The following ZKSCAN8 variants were observed in gnomAD, a reference collection of about 807,000 sequenced individuals.
The protein encoded by ZKSCAN8 is zinc finger with KRAB and SCAN domains 8.
ZKSCAN8 carries 27 observed loss-of-function variants against 57.2 expected under a neutral mutation model. The ratio of observed to expected loss-of-function variants is 0.47; its 90% CI spans 0.35 to 0.65. The LOEUF is 0.65. Among genes scored for constraint, ZKSCAN8 ranks in the 30% least tolerant of loss-of-function variants. The pLI, the probability that ZKSCAN8 is intolerant of heterozygous loss-of-function variation, is 0.01. For missense variants in ZKSCAN8, 597 were observed against 696.3 expected (o/e 0.86, Z 1.60); for synonymous variants, 214 against 248.7 (o/e 0.86, Z 1.31).
chr6:28,148,811 T>C lies in ZKSCAN8; in HGVS notation c.404T>C (p.Ile135Thr). The C allele has an allele frequency of 6.2e-7, 1 of 1,612,722 alleles. No individual in the cohort carries two copies. Among genetic ancestry groups the C allele is most frequent in the Non-Finnish European group, 8.5e-7 (1 of 1,179,106 alleles). The change falls in exon 2 of 6, where the codon ATA (isoleucine) becomes ACA (threonine). Residue 135 changes from isoleucine to threonine, a missense_variant. By Grantham distance (89) the Ile-to-Thr change is moderately conservative (BLOSUM62 -1). Coordinates refer to ENST00000330236, the MANE Select transcript of ZKSCAN8 (RefSeq NM_006298.4). Reference sequence around the variant, plus strand: ...GAGGATTTGGAAAGGCAGATTGATATACTAGGACGACCAGTAAGTAGAAGG... The same window carrying C: ...GAGGATTTGGAAAGGCAGATTGATACACTAGGACGACCAGTAAGTAGAAGG... ...LLEDLERQID[I>T]LGRPVSARVH...
chr6:28,146,338 C>T (rs554853214), intron 1 of ZKSCAN8, among the ~76,000 whole-genome samples: 16 of 152,170 alleles, frequency 1.1e-4, no homozygotes, highest in Non-Finnish European at 2.4e-4. Context: ...AAGCAATACA[C>T]ATTTAAGTAA....
In ZKSCAN8 at chr6:28,156,694, T is replaced by A. The variant is rs1056665424; in HGVS notation, c.*2677T>A. 2 of 152,556 alleles carry A rather than the reference T, an allele frequency of 1.3e-5. No individual in the cohort carries two copies. Among genetic ancestry groups the A allele is most frequent in the Admixed American group, 1.3e-4 (2 of 15,288 alleles). The allele number at this position is 152,556 out of a possible 1,614,324, so 9.5% of individuals were successfully genotyped here. A position where few individuals can be genotyped will look rare whatever the true frequency, so the allele number is the denominator to read the frequency against. On this transcript the variant is annotated 3_prime_UTR_variant, in exon 6 of 6. Transcript: ENST00000330236. ...GCATTCATTAAGCTCCTTTATCCTA[T>A]AGATTCTATCTTTATGTTCATCTGA...
In ZKSCAN8 at chr6:28,148,402, G is replaced by A; in HGVS notation, c.-6G>A. The A allele has an allele frequency of 7.5e-6, 12 of 1,604,798 alleles. No homozygotes were observed. The highest frequency in any genetic ancestry group is 1.0e-5 in the Non-Finnish European group (12 of 1,174,248). On this transcript the variant is annotated 5_prime_UTR_variant, in exon 2 of 6. Transcript: ENST00000330236. ...GAAACGAACTTCCTGAGCTTTTCAG[G>A]CTCTAATGGCTGAAGAATCAAGAAA...
rs745845523 is a variant in ZKSCAN8, at chr6:28,148,429, C to G, written c.22C>G (p.Pro8Ala). ...TCTAATGGCTGAAGAATCAAGAAAG[C>G]CTTCAGCCCCATCCCCACCAGACCA... The part of the protein sequence containing the change: MAEESRK[P>A]SAPSPPDQTP... The change falls in exon 2 of 6, where the codon CCT (proline) becomes GCT (alanine). Residue 8 changes from proline to alanine, a missense_variant. Coordinates refer to ENST00000330236, the MANE Select transcript of ZKSCAN8 (RefSeq NM_006298.4). 1.9e-6 allele frequency: 3 copies of G among 1,612,006 alleles called. No individual in the cohort carries two copies. The highest frequency in any genetic ancestry group is 3.3e-5 in the Admixed American group (2 of 59,826).
intron 1 of ZKSCAN8, among the ~76,000 whole-genome samples, chr6:28,143,375 A>G (rs1438363718): frequency 6.6e-6 from 1 of 152,236 alleles, no homozygotes; most frequent in Admixed American, 6.5e-5. Context: ...GGTATAAAAA[A>G]TGAACAAACC....
chr6:28,144,194 T>G lies in ZKSCAN8; in HGVS notation c.-93+2165T>G, dbSNP rs1286169315. 1 of 152,216 alleles carries G rather than the reference T, an allele frequency of 6.6e-6. No homozygotes were observed. Among genetic ancestry groups the G allele is most frequent in the Non-Finnish European group, 1.5e-5 (1 of 68,066 alleles). 9.4% of individuals were successfully genotyped at this position (152,216 alleles called of 1,614,324 possible). On this transcript the variant is annotated intron_variant, in intron 1 of 5. Transcript: ENST00000330236. The surrounding 1 kb of genome is among the most constrained non-coding windows in gnomAD (Gnocchi z 4.5). The stretch of plus-strand genomic sequence containing the variant: ...TCTGTACACACTCTCTATGTAGGAT[T>G]TGTTTGTATGTTTGTTTGTTTTTAA...
intron 1 of ZKSCAN8, among the ~76,000 whole-genome samples, chr6:28,143,974 C>A (rs1293744215): frequency 6.6e-6 from 1 of 152,030 alleles, no homozygotes; most frequent in Non-Finnish European, 1.5e-5. Context: ...TTCACTCTTC[C>A]CCCAAATCTC....
Position 28,151,842 on chromosome 6 carries a change from C to G in ZKSCAN8, c.560-3C>G. On this transcript the variant is annotated splice_polypyrimidine_tract_variant and splice_region_variant and intron_variant, in intron 3 of 5. Coordinates refer to ENST00000330236, the MANE Select transcript of ZKSCAN8 (RefSeq NM_006298.4). ...CTCATTCATAGCTCCTTTCTCCTCT[C>G]AGCCATGTCTACTTCCCAGAGTCCT... 1 of 1,613,700 alleles carries G rather than the reference C, an allele frequency of 6.2e-7. No homozygotes were observed. Among genetic ancestry groups the G allele is most frequent in the East Asian group, 2.2e-5 (1 of 44,880 alleles).
At position 28,158,104 on chromosome 6, in the gene ZKSCAN8, A is replaced by G. The variant is rs1334246165; in HGVS notation, c.*4087A>G. ...TCTTAGACTCACCAGTGGACAAATA[A>G]TAAGGCCTTTTTTTATTATTATTTC... is the stretch of plus-strand genomic sequence containing the variant. On this transcript the variant is annotated 3_prime_UTR_variant, in exon 6 of 6. Transcript: ENST00000330236. The G allele has an allele frequency of 6.6e-6, 1 of 152,136 alleles. No homozygotes were observed. Among genetic ancestry groups the G allele is most frequent in the Non-Finnish European group, 1.5e-5 (1 of 68,018 alleles). 9.4% of individuals were successfully genotyped at this position (152,136 alleles called of 1,614,324 possible).
chr6:28,151,215 C>G (rs1486414922), intron 3 of ZKSCAN8, among the ~76,000 whole-genome samples: 7 of 152,036 alleles, frequency 4.6e-5, no homozygotes, highest in Admixed American at 2.6e-4. Flanking sequence ...AATTTTTTTA[C>G]TTTATTGCAG....
rs549855243 is a variant in ZKSCAN8, at chr6:28,148,850, A to G, written c.417+26A>G. 8.2e-5 allele frequency: 131 copies of G among 1,590,580 alleles called. 2 individuals carry two copies. In the South Asian group the frequency reaches 1.5e-3, roughly 18 times the overall value. ...GTAAGTAGAAGGAGGTATGCGTGCT[A>G]TGACTGTGGGAGTCCTGGAAGCTTG... is the stretch of plus-strand genomic sequence containing the variant. On this transcript the variant is annotated intron_variant, in intron 2 of 5. Transcript: ENST00000330236.
chr6:28,155,749 CT>C lies in ZKSCAN8; in HGVS notation c.*1736del. On this transcript the variant is annotated 3_prime_UTR_variant, in exon 6 of 6. Transcript: ENST00000330236. Reference sequence around the variant, plus strand: ...AAAGTCTTACGTCATAGAGGACCACCTTTTGGATCATAAATTCTTTCCCTAT... The same window carrying C: ...AAAGTCTTACGTCATAGAGGACCACCTTTGGATCATAAATTCTTTCCCTAT... 1.2e-5 allele frequency: 2 copies of C among 166,104 alleles called. No individual in the cohort carries two copies. The highest frequency in any genetic ancestry group is 1.3e-5 in the Non-Finnish European group (1 of 77,622). The allele number at this position is 166,104 out of a possible 1,614,324, so 10.3% of individuals were successfully genotyped here.
intron 1 of ZKSCAN8, among the ~76,000 whole-genome samples, chr6:28,143,192 C>T (rs1765273087): frequency 6.6e-6 from 1 of 152,088 alleles, no homozygotes; most frequent in African/African-American, 2.4e-5. Flanking sequence ...CAGACATGTA[C>T]GCACAAAACT....
chr6:28,154,222 A>G lies in ZKSCAN8; in HGVS notation c.*205A>G. The G allele has an allele frequency of 1.6e-6, 1 of 615,976 alleles. No homozygotes were observed. Among genetic ancestry groups the G allele is most frequent in the Non-Finnish European group, 2.6e-6 (1 of 379,444 alleles). The allele number at this position is 615,976 out of a possible 1,614,324, so 38.2% of individuals were successfully genotyped here. A position where few individuals can be genotyped will look rare whatever the true frequency, so the allele number is the denominator to read the frequency against. On this transcript the variant is annotated 3_prime_UTR_variant, in exon 6 of 6. Transcript: ENST00000330236. ...GATTAGCTTGACTGTCTTTGAAAGT[A>G]TCTGATGGAGCTCCTGATGACCTAA...
At chr6:28,152,203 A>G (rs1366979768) in intron 4 of ZKSCAN8, 58 bp from the exon 5 acceptor site, 30 of 1,557,696 alleles carry the variant, frequency 1.9e-5, no homozygotes, top group Non-Finnish European at 2.4e-5. Context: ...CTCAAGCTCT[A>G]TAGGTTTGAG....
Position 28,144,029 on chromosome 6 carries a change from A to G in ZKSCAN8, c.-93+2000A>G, listed in dbSNP as rs565032081. ...CCACTTTCCTGTAAAGTCATAATCA[A>G]TGAACTATACCCCCAATGTTAATTG... On this transcript the variant is annotated intron_variant, in intron 1 of 5. Transcript: ENST00000330236. This position sits in a 1 kb window ranked among gnomAD's most constrained non-coding sequence, Gnocchi z 4.5. Among the ~76,000 whole-genome samples the G allele has an allele frequency of 2.6e-5, 4 of 152,268 alleles. No homozygotes were observed. The South Asian group carries it at 6.2e-4, about 24-fold the overall frequency.
chr6:28,154,253 C>A lies in ZKSCAN8; in HGVS notation c.*236C>A, dbSNP rs1426777592. The A allele has an allele frequency of 4.3e-6, 2 of 466,220 alleles. No individual in the cohort carries two copies. Among genetic ancestry groups the A allele is most frequent in the Non-Finnish European group, 3.6e-6 (1 of 274,120 alleles). The allele number at this position is 466,220 out of a possible 1,614,324, so 28.9% of individuals were successfully genotyped here. On this transcript the variant is annotated 3_prime_UTR_variant, in exon 6 of 6. Transcript: ENST00000330236. The stretch of plus-strand genomic sequence containing the variant: ...TGGAGCTCCTGATGACCTAATGTAT[C>A]CTTTAGAAATTTAAAATAGCATTAG...
At position 28,153,818 on chromosome 6, in the gene ZKSCAN8, C is replaced by A; in HGVS notation, c.1538C>A (p.Thr513Asn). ...SGLIEHQRIH[T>N]GERPYKCKEC... The stretch of plus-strand genomic sequence containing the variant: ...CTTATTGAACATCAGAGAATCCACA[C>A]TGGAGAAAGACCCTATAAATGTAAA... The change falls in exon 6 of 6, where the codon ACT becomes AAT. Residue 513 changes from threonine (T) to asparagine (N), a missense_variant. By Grantham distance (65) the Thr-to-Asn change is moderately conservative (BLOSUM62 0). Coordinates refer to ENST00000330236, the MANE Select transcript of ZKSCAN8 (RefSeq NM_006298.4). 1 of 1,613,856 alleles carries A rather than the reference C, an allele frequency of 6.2e-7. No individual in the cohort carries two copies. The highest frequency in any genetic ancestry group is 8.5e-7 in the Non-Finnish European group (1 of 1,179,904).
Position 28,155,911 on chromosome 6 carries a change from T to G in ZKSCAN8, c.*1894T>G. ...TGTTGGTTTCCAACAGTCCTTTCGA[T>G]TATCCTTTATTTTCTTATCCTCCCT... On this transcript the variant is annotated 3_prime_UTR_variant, in exon 6 of 6. Coordinates refer to ENST00000330236, the MANE Select transcript of ZKSCAN8 (RefSeq NM_006298.4). The G allele has an allele frequency of 2.7e-6, 1 of 373,956 alleles. No individual in the cohort carries two copies. Among genetic ancestry groups the G allele is most frequent in the Non-Finnish European group, 4.7e-6 (1 of 210,746 alleles). The allele number at this position is 373,956 out of a possible 1,614,324, so 23.2% of individuals were successfully genotyped here.
Sources: gnomAD v4.1 joint callset for allele counts (sites outside exome capture counted in the v4.1 genomes callset) on GRCh38, gnomAD v4.1.1 for gene constraint, Gnocchi (gnomAD v3.1) non-coding constraint, MANE v1.5 for transcripts, NCBI Gene and HGNC (gene_info 2026-07-23, HGNC 2026-07-21) for gene names.